The following GPD2 variants were observed in gnomAD, a reference collection of about 807,000 sequenced individuals.
GPD2 encodes the protein glycerol-3-phosphate dehydrogenase, mitochondrial.
A neutral mutation model predicts 82.4 loss-of-function variants in GPD2; 54 were observed. The ratio of observed to expected loss-of-function variants is 0.66; its 90% CI spans 0.53 to 0.82. The LOEUF is 0.82. Among genes scored for constraint, GPD2 ranks in the 40% least tolerant of loss-of-function variants. The probability of loss-of-function intolerance (pLI) is 0.00; values close to 1 mark genes in which losing one functional copy is unlikely to be tolerated. For missense variants in GPD2, 748 were observed against 896.2 expected, an observed-to-expected ratio of 0.83 and a Z score of 2.11; for synonymous variants, 288 against 306.1, an observed-to-expected ratio of 0.94 and a Z score of 0.62.
intron 9 of GPD2, among the ~76,000 whole-genome samples, chr2:156,567,573 G>A (rs1687437812): frequency 6.6e-6 from 1 of 152,124 alleles, no homozygotes; most frequent in Non-Finnish European, 1.5e-5. Context: ...CTGTTATCCA[G>A]CGATGGATTA....
At chr2:156,415,492 C>T in the GPD2 span, among the ~76,000 whole-genome samples, 1 of 152,116 alleles carries the variant, frequency 6.6e-6, no homozygotes. Flanking sequence ...GTCCTCATAG[C>T]TTAGCTCCCA....
the GPD2 span, among the ~76,000 whole-genome samples, chr2:156,401,450 T>C: frequency 6.6e-6 from 1 of 152,366 alleles, no homozygotes; most frequent in Middle Eastern, 3.4e-3. Flanking sequence ...AATGAAGATT[T>C]TGTCATGTAT....
chr2:156,445,430 C>T (rs1257518770), intron 1 of GPD2, among the ~76,000 whole-genome samples: 1 of 152,232 alleles, frequency 6.6e-6, no homozygotes, highest in Non-Finnish European at 1.5e-5. Flanking sequence ...TTAACACTTA[C>T]ACTTCCTAAT....
chr2:156,481,749 G>A (rs1279068283), intron 2 of GPD2, among the ~76,000 whole-genome samples: 2 of 151,732 alleles, frequency 1.3e-5, no homozygotes, highest in East Asian at 1.9e-4. Context: ...AAAGTGCTGG[G>A]GATCACAGAC....
rs59142687 is a variant in GPD2 at position 156,439,849 on chromosome 2, A to AAAATAAATAAATAAATAAATAAAT, written c.-9+3340_-9+3363dup. 1.4e-3 allele frequency among the ~76,000 whole-genome samples: 201 copies of AAAATAAATAAATAAATAAATAAAT among 147,652 alleles called. 1 individual carries two copies. The highest frequency in any genetic ancestry group is 2.3e-3 in the African/African-American group (91 of 40,244). ...GCGACAGAAGGAGAATCTGTCTCAAAAAATAAATAAATAAATAAATAAATA... is the reference window on the plus strand; with the variant it reads ...GCGACAGAAGGAGAATCTGTCTCAAAAAATAAATAAATAAATAAATAAATAAATAAATAAATAAATAAATAAATA... On this transcript the variant is annotated intron_variant, in intron 1 of 16. Transcript: ENST00000438166.
intron 13 of GPD2, among the ~76,000 whole-genome samples, chr2:156,575,035 T>C (rs919133809): frequency 7.9e-5 from 12 of 152,218 alleles, no homozygotes; most frequent in Non-Finnish European, 1.8e-4. Context: ...AATAGGAGGC[T>C]ACTCTGAATG....
At chr2:156,513,292 ACT>A in intron 5 of GPD2, 39 bp from the exon 6 acceptor site, 1 of 1,370,550 alleles carries the variant, frequency 7.3e-7, no homozygotes, top group South Asian at 1.2e-5. Context: ...ATAATGCTAT[ACT>A]CTGTTTCTGA....
chr2:156,528,589 TC>T (rs1214867157), intron 6 of GPD2, among the ~76,000 whole-genome samples: 3 of 55,942 alleles, frequency 5.4e-5, no homozygotes, highest in African/African-American at 2.2e-4. Context: ...CCCTCCCCCC[TC>T]CCCCCACCCC....
intron 13 of GPD2, among the ~76,000 whole-genome samples, chr2:156,572,386 A>G (rs556434396): frequency 5.9e-5 from 9 of 152,256 alleles, no homozygotes; most frequent in African/African-American, 9.6e-5. Context: ...AGTGAATTCA[A>G]CCGTTTCTTA....
chr2:156,572,489 C>T (rs548110961), intron 13 of GPD2, among the ~76,000 whole-genome samples: 57 of 152,140 alleles, frequency 3.7e-4, no homozygotes, highest in Non-Finnish European at 6.5e-4. Flanking sequence ...GGTGTCCCTT[C>T]TTTAACAACT....
At chr2:156,416,516 T>G in the GPD2 span, among the ~76,000 whole-genome samples, 1 of 2,008 alleles carries the variant, frequency 5.0e-4, no homozygotes, top group African/African-American at 5.6e-4. Flanking sequence ...CCCAGCTAGT[T>G]TTTTTTTTTT....
At position 156,539,991 on chromosome 2, in the gene GPD2, G is replaced by T. The variant is rs1686243700; in HGVS notation, c.662-9617G>T. The stretch of plus-strand genomic sequence containing the variant: ...GAGGATACTGAGATTAGGGGTTAGG[G>T]CTTGCTCAGGTTTTTGTTGCAGACA... On this transcript the variant is annotated intron_variant, in intron 6 of 16. Transcript: ENST00000438166. Among the ~76,000 whole-genome samples, 15 of 152,258 alleles carry T rather than the reference G, an allele frequency of 9.9e-5. No individual in the cohort carries two copies. The South Asian group carries it at 3.1e-3, about 32-fold the overall frequency.
chr2:156,418,589 C>T, the GPD2 span, among the ~76,000 whole-genome samples: 8 of 152,268 alleles, frequency 5.3e-5, no homozygotes, highest in Non-Finnish European at 1.0e-4. Context: ...GTGAAAGTTT[C>T]CCCTGGGCCC....
intron 1 of GPD2, among the ~76,000 whole-genome samples, chr2:156,453,103 GA>G (rs1204494971): frequency 6.6e-6 from 1 of 152,164 alleles, no homozygotes; most frequent in East Asian, 1.9e-4. Context: ...TTGCAGCTAT[GA>G]ATTTAAATTG....
chr2:156,514,755 G>A (rs1685136701), intron 6 of GPD2, among the ~76,000 whole-genome samples: 1 of 152,154 alleles, frequency 6.6e-6, no homozygotes, highest in Admixed American at 6.5e-5. Flanking sequence ...CAGTGCTTCC[G>A]AGCATCTGAA....
intron 6 of GPD2, among the ~76,000 whole-genome samples, chr2:156,536,889 G>A (rs1275694726): frequency 6.6e-6 from 1 of 152,200 alleles, no homozygotes; most frequent in Non-Finnish European, 1.5e-5. Context: ...AGTATCTTCA[G>A]GATTCTGTGG....
upstream of GPD2, among the ~76,000 whole-genome samples, chr2:156,436,156 A>C (rs1033547952): frequency 6.6e-6 from 1 of 150,858 alleles, no homozygotes; most frequent in Non-Finnish European, 1.5e-5. Flanking sequence ...TCCCTCCCAC[A>C]CCCCCGCCAA....
chr2:156,415,514 G>C, the GPD2 span, among the ~76,000 whole-genome samples: 1 of 151,930 alleles, frequency 6.6e-6, no homozygotes, highest in Non-Finnish European at 1.5e-5. Context: ...ATATCAGTGA[G>C]AACATACAAT....
chr2:156,433,740 A>G (rs935812780), upstream of GPD2, among the ~76,000 whole-genome samples: 5 of 152,200 alleles, frequency 3.3e-5, no homozygotes, highest in Non-Finnish European at 7.3e-5. Flanking sequence ...GGGGAAAATA[A>G]TCAGCTGACA....
Sources: allele counts gnomAD v4.1 joint callset (sites outside exome capture counted in the v4.1 genomes callset), GRCh38; gene constraint gnomAD v4.1.1; transcripts MANE v1.5; gene names NCBI Gene and HGNC (gene_info 2026-07-23, HGNC 2026-07-21).